Variants in FMNL2 observed in about 807,000 individuals in gnomAD.
FMNL2 encodes formin like 2, also known as formin-like protein 2.
A neutral mutation model predicts 130.2 loss-of-function variants in FMNL2; 51 were observed. The observed-to-expected ratio is 0.39, with a 90% CI of 0.31 to 0.49. FMNL2 has a LOEUF of 0.49. Among genes scored for constraint, FMNL2 ranks in the 20% least tolerant of loss-of-function variants. The pLI is 0.85. For synonymous variants in FMNL2, 465 were observed against 467.1 expected (o/e 1.00, Z 0.06); for missense variants, 977 against 1,316.2 (o/e 0.74, Z 3.99).
intron 1 of FMNL2, among the ~76,000 whole-genome samples, chr2:152,418,964 A>G (rs1686763300): frequency 1.5e-5 from 2 of 130,134 alleles, no homozygotes; most frequent in Non-Finnish European, 3.2e-5. Context: ...TGCAAAGGAT[A>G]TGTGTCTTTT....
rs1354043200 is a variant in FMNL2, at chr2:152,640,874, A to G, written c.3129A>G (p.Val1043=). Residue 1043 remains valine (V), a synonymous_variant, in exon 25 of 26, where the codon GTA becomes GTG. Transcript: ENST00000288670. Reference sequence around the variant, plus strand: ...GACAAGTTAAAGATAACAGACATGTATATGAGGGAAAAGATGGTGCCATTG... The same window carrying G: ...GACAAGTTAAAGATAACAGACATGTGTATGAGGGAAAAGATGGTGCCATTG... The part of the protein sequence containing the change: ...RRRQVKDNRH[V]YEGKDGAIED... 1 of 1,613,894 alleles carries G rather than the reference A, an allele frequency of 6.2e-7. No homozygotes were observed. The highest frequency in any genetic ancestry group is 2.2e-5 in the East Asian group (1 of 44,882).
chr2:152,649,515 TTAA>T lies in FMNL2; in HGVS notation c.*1611_*1613del, dbSNP rs1683896309. 2.0e-5 allele frequency: 3 copies of T among 152,606 alleles called. No homozygotes were observed. The South Asian group carries it at 6.2e-4, about 32-fold the overall frequency. The allele number at this position is 152,606 out of a possible 1,614,324, so 9.5% of individuals were successfully genotyped here. A position where few individuals can be genotyped will look rare whatever the true frequency, so the allele number is the denominator to read the frequency against. ...CATTCCCATAAATGTGTACTTTACT[TTAA>T]AAAGAACATGCCACGATTTTGTCTT... On this transcript the variant is annotated 3_prime_UTR_variant, in exon 26 of 26. Coordinates refer to ENST00000288670, the MANE Select transcript of FMNL2 (RefSeq NM_052905.4).
rs146514123 is a variant in FMNL2 at position 152,412,890 on chromosome 2, G to A, written c.117+77170G>A. Reference sequence around the variant, plus strand: ...CAAGTATTTCTGTTGCCATTAGTTTGGACCATATGAACTTGCTGCTGTTAT... The same window carrying A: ...CAAGTATTTCTGTTGCCATTAGTTTAGACCATATGAACTTGCTGCTGTTAT... On this transcript the variant is annotated intron_variant, in intron 1 of 25. Transcript: ENST00000288670. 1.4e-4 allele frequency among the ~76,000 whole-genome samples: 21 copies of A among 152,140 alleles called. No homozygotes were observed. In the South Asian group the frequency reaches 4.2e-3, roughly 30 times the overall value.
At chr2:152,444,405 G>T (rs1688229046) in intron 1 of FMNL2, among the ~76,000 whole-genome samples, 1 of 152,150 alleles carries the variant, frequency 6.6e-6, no homozygotes, top group Admixed American at 6.5e-5. Flanking sequence ...ATTTGAGGGT[G>T]CTTAAAGGCC....
At chr2:152,400,785 C>T (rs376096447) in intron 1 of FMNL2, among the ~76,000 whole-genome samples, 1 of 152,206 alleles carries the variant, frequency 6.6e-6, no homozygotes, top group East Asian at 1.9e-4. Flanking sequence ...ACTGCCTCTT[C>T]CCAATTATGT....
chr2:152,551,835 GT>G (rs1694953684), intron 4 of FMNL2, among the ~76,000 whole-genome samples: 1 of 152,148 alleles, frequency 6.6e-6, no homozygotes, highest in South Asian at 2.1e-4. Flanking sequence ...GGGTAACATA[GT>G]GAGACCTTGT....
At chr2:152,546,400 T>C (rs1282973703) in intron 3 of FMNL2, among the ~76,000 whole-genome samples, 2 of 151,880 alleles carry the variant, frequency 1.3e-5, no homozygotes, top group African/African-American at 4.8e-5. Context: ...GGTACCAGCC[T>C]CTCTTAAACA....
chr2:152,400,016 G>T (rs566695216), intron 1 of FMNL2, among the ~76,000 whole-genome samples: 2 of 152,288 alleles, frequency 1.3e-5, no homozygotes, highest in African/African-American at 4.8e-5. Flanking sequence ...CGGCTTAGAA[G>T]CCCTGATGAT....
intron 6 of FMNL2, among the ~76,000 whole-genome samples, chr2:152,566,921 G>C (rs1189685755): frequency 6.6e-6 from 1 of 152,192 alleles, no homozygotes; most frequent in Admixed American, 6.5e-5. Flanking sequence ...GATCTGAGCG[G>C]AGGTTCAGTG....
At chr2:152,412,698 C>T (rs1480307094) in intron 1 of FMNL2, among the ~76,000 whole-genome samples, 1 of 151,346 alleles carries the variant, frequency 6.6e-6, no homozygotes, top group Non-Finnish European at 1.5e-5. Context: ...CTCCCAGCTA[C>T]TTGGGAGGCT....
chr2:152,372,466 A>G (rs559590823), intron 1 of FMNL2, among the ~76,000 whole-genome samples: 1 of 152,140 alleles, frequency 6.6e-6, no homozygotes, highest in African/African-American at 2.4e-5. Flanking sequence ...TTAGAGTTTG[A>G]CATAGGGTTC....
intron 20 of FMNL2, among the ~76,000 whole-genome samples, chr2:152,630,228 G>A (rs1429849520): frequency 1.3e-5 from 2 of 152,208 alleles, no homozygotes; most frequent in African/African-American, 4.8e-5. Flanking sequence ...TTAATACAGT[G>A]AACTATTATT....
intron 1 of FMNL2, among the ~76,000 whole-genome samples, chr2:152,370,114 G>T (rs968125702): frequency 2.6e-5 from 4 of 152,184 alleles, no homozygotes; most frequent in African/African-American, 9.7e-5. Context: ...TTTTGTCTTA[G>T]TTCAGGCTGG....
chr2:152,348,012 T>C (rs1388291974), intron 1 of FMNL2, among the ~76,000 whole-genome samples: 5 of 151,914 alleles, frequency 3.3e-5, no homozygotes, highest in African/African-American at 9.7e-5. Context: ...TTTCCCCCGG[T>C]GATTCCCCTG....
At chr2:152,562,557 T>G (rs1695588757) in intron 6 of FMNL2, among the ~76,000 whole-genome samples, 1 of 152,238 alleles carries the variant, frequency 6.6e-6, no homozygotes, top group Admixed American at 6.5e-5. Flanking sequence ...CAGTAAATCA[T>G]TTAGATTTTC....
At chr2:152,584,120 G>A (rs933685841) in intron 9 of FMNL2, among the ~76,000 whole-genome samples, 35 of 151,832 alleles carry the variant, frequency 2.3e-4, no homozygotes, top group African/African-American at 7.0e-4. Context: ...CCATCTTTGC[G>A]TGAGTGAATT....
At chr2:152,603,086 A>C (rs910318739) in intron 9 of FMNL2, among the ~76,000 whole-genome samples, 19 of 152,232 alleles carry the variant, frequency 1.2e-4, no homozygotes, top group African/African-American at 4.6e-4. Context: ...ATGGAGAAAC[A>C]AATGTGAATC....
At chr2:152,597,324 A>G (rs1330261805) in intron 9 of FMNL2, among the ~76,000 whole-genome samples, 1 of 152,234 alleles carries the variant, frequency 6.6e-6, no homozygotes. Flanking sequence ...AGTAAGAACA[A>G]AGAGTGGCTA....
intron 1 of FMNL2, among the ~76,000 whole-genome samples, chr2:152,469,055 C>T (rs371690514): frequency 1.3e-5 from 2 of 152,272 alleles, no homozygotes; most frequent in South Asian, 4.1e-4. Context: ...TTAACATGAG[C>T]CAATTACTCT....
Sources: gnomAD v4.1 joint callset for allele counts (sites outside exome capture counted in the v4.1 genomes callset) on GRCh38, gnomAD v4.1.1 for gene constraint, MANE v1.5 for transcripts, NCBI Gene and HGNC (gene_info 2026-07-23, HGNC 2026-07-21) for gene names.